The following PGF variants were observed in gnomAD, a reference collection of about 807,000 sequenced individuals.
The protein encoded by PGF is placenta growth factor.
PGF carries 11 observed loss-of-function variants against 25.3 expected under a neutral mutation model. The observed-to-expected ratio is 0.43, with a 90% CI of 0.27 to 0.72. The LOEUF (loss-of-function observed/expected upper bound fraction) is 0.72. Among genes scored for constraint, PGF ranks in the 30% least tolerant of loss-of-function variants. The pLI, the probability that PGF is intolerant of heterozygous loss-of-function variation, is 0.18. For missense variants in PGF, 230 were observed against 234.9 expected (o/e 0.98, Z 0.14); for synonymous variants, 105 against 97.9 (o/e 1.07, Z -0.43).
At chr14:74,946,964 C>T in intron 4 of PGF, 1 of 688,240 alleles carries the variant, frequency 1.5e-6, no homozygotes, top group Non-Finnish European at 2.7e-6. Context: ...GGCCCAGAAG[C>T]AAGAAGAAAG....
At chr14:74,948,764 G>A (rs957260586) in intron 3 of PGF, among the ~76,000 whole-genome samples, 181 bp from the exon 4 acceptor site, 1 of 152,206 alleles carries the variant, frequency 6.6e-6, no homozygotes, top group Non-Finnish European at 1.5e-5. Flanking sequence ...ATCTGAGGGA[G>A]GCCCCTGTCC....
intron 4 of PGF, chr14:74,946,732 C>T (rs1311947184): frequency 1.6e-5 from 11 of 699,224 alleles, no homozygotes; most frequent in Non-Finnish European, 2.9e-5. Context: ...TTCTTTCTCA[C>T]TTTCTTTGCT....
chr14:74,943,589 G>T (rs1888651392), intron 6 of PGF, among the ~76,000 whole-genome samples: 2 of 152,136 alleles, frequency 1.3e-5, no homozygotes, highest in Non-Finnish European at 2.9e-5. Context: ...TGTGAACATG[G>T]TTTCTCAACC....
chr14:74,952,954 G>A (rs796968931), intron 2 of PGF, among the ~76,000 whole-genome samples: 7 of 152,346 alleles, frequency 4.6e-5, no homozygotes, highest in African/African-American at 1.7e-4. Flanking sequence ...GCATAGTGTG[G>A]AGGTAGGGGA....
chr14:74,944,028 C>A (rs187381572), intron 6 of PGF, among the ~76,000 whole-genome samples: 1 of 148,674 alleles, frequency 6.7e-6, no homozygotes, highest in African/African-American at 2.5e-5. Context: ...AATACAAGTT[C>A]CAGGAAAAAA....
At chr14:74,948,725 G>A in intron 3 of PGF, 142 bp from the exon 4 acceptor site, 1 of 521,926 alleles carries the variant, frequency 1.9e-6, no homozygotes. Context: ...TCTGAACGTG[G>A]GGCAAACAGC....
intron 6 of PGF, 111 bp downstream of exon 6, chr14:74,946,102 C>T: frequency 1.1e-6 from 1 of 908,764 alleles, no homozygotes; most frequent in Non-Finnish European, 1.8e-6. Context: ...GTTCTGCCCC[C>T]AAGACTGGCC....
chr14:74,943,725 C>T (rs541232802), intron 6 of PGF, among the ~76,000 whole-genome samples: 2 of 152,324 alleles, frequency 1.3e-5, no homozygotes, highest in South Asian at 2.1e-4. Flanking sequence ...ACATCCATCT[C>T]ATTGAGATGC....
intron 1 of PGF, among the ~76,000 whole-genome samples, chr14:74,954,852 C>G (rs1402142654): frequency 6.6e-6 from 1 of 152,130 alleles, no homozygotes; most frequent in Non-Finnish European, 1.5e-5. Flanking sequence ...ACCACAAGGC[C>G]AGGGACCCGC....
At position 74,942,551 on chromosome 14, in the gene PGF, TCCTTCCCTG is replaced by T; in HGVS notation, c.*146_*154del. 1.4e-6 allele frequency: 1 copy of T among 738,634 alleles called. No homozygotes were observed. Among genetic ancestry groups the T allele is most frequent in the Middle Eastern group, 2.3e-4 (1 of 4,350 alleles). The allele number at this position is 738,634 out of a possible 1,614,324, so 45.8% of individuals were successfully genotyped here. On this transcript the variant is annotated 3_prime_UTR_variant, in exon 7 of 7. Transcript: ENST00000555567. ...AGGCACTGAATTCCTGAGGGTCCTG[TCCTTCCCTG>T]CCCCTCGTCTTGAAGGGAGCGAGGC...
At position 74,942,691 on chromosome 14, in the gene PGF, C is replaced by T. The variant is rs781516178; in HGVS notation, c.*15G>A. ...CACGAGCCGGGTGCGGGGTCTCTCT[C>T]CTCCAAGGGGTGGGTTACCTCCGGG... On this transcript the variant is annotated 3_prime_UTR_variant, in exon 7 of 7. Transcript: ENST00000555567. The T allele has an allele frequency of 3.0e-5, 48 of 1,612,372 alleles. No homozygotes were observed. In the East Asian group the frequency reaches 1.1e-3, roughly 36 times the overall value.
In PGF at chr14:74,953,772, C is replaced by T; in HGVS notation, c.118+132G>A. The stretch of plus-strand genomic sequence containing the variant: ...TCTTAGGCCCTGCCAAAGTCATCAC[C>T]CAGCATGTCTAGCTTGTAGGCTCTC... On this transcript the variant is annotated intron_variant, in intron 2 of 6. Transcript: ENST00000555567. This position sits in a 1 kb window ranked among gnomAD's most constrained non-coding sequence, Gnocchi z 5.4. 1.1e-6 allele frequency: 1 copy of T among 911,540 alleles called. No individual in the cohort carries two copies. The highest frequency in any genetic ancestry group is 1.8e-6 in the Non-Finnish European group (1 of 549,948). The allele number at this position is 911,540 out of a possible 1,614,324, so 56.5% of individuals were successfully genotyped here.
Position 74,942,340 on chromosome 14 carries a change from T to A in PGF, c.*366A>T, listed in dbSNP as rs12411. 0.73 allele frequency: 167,026 copies of A among 230,266 alleles called. 63,137 individuals carry two copies. Among genetic ancestry groups the A allele is most frequent in the East Asian group, 0.85 (6,051 of 7,156 alleles). 14.3% of individuals were successfully genotyped at this position (230,266 alleles called of 1,614,324 possible). On this transcript the variant is annotated 3_prime_UTR_variant, in exon 7 of 7. Transcript: ENST00000555567. The stretch of plus-strand genomic sequence containing the variant: ...GAGCTCCGAAAGCAAGGGCTGCTTG[T>A]CTGTGCAGAGCCTGAGGCCCAAGAA...
At position 74,955,309 on chromosome 14, in the gene PGF, C is replaced by G; in HGVS notation, c.-67G>C. The G allele has an allele frequency of 9.7e-7, 1 of 1,035,024 alleles. No individual in the cohort carries two copies. The highest frequency in any genetic ancestry group is 3.2e-5 in the East Asian group (1 of 31,108). The allele number at this position is 1,035,024 out of a possible 1,614,324, so 64.1% of individuals were successfully genotyped here. On this transcript the variant is annotated 5_prime_UTR_variant, in exon 1 of 7. Transcript: ENST00000555567. This position sits in a 1 kb window ranked among gnomAD's most constrained non-coding sequence, Gnocchi z 4.1. ...ACCATGCTCATCCCCCGGGGAGCCC[C>G]TGGCACAGGAGGAGAAGAGCTGAGT...
chr14:74,949,283 G>T, intron 3 of PGF, 74 bp downstream of exon 3: 1 of 1,244,026 alleles, frequency 8.0e-7, no homozygotes, highest in Non-Finnish European at 1.1e-6. Flanking sequence ...TGGGACCTGG[G>T]CCTATCTTCT....
At chr14:74,946,862 G>T in intron 4 of PGF, 1 of 761,176 alleles carries the variant, frequency 1.3e-6, no homozygotes, top group East Asian at 2.4e-5. Context: ...GAACAACATG[G>T]GGAGTGAGCG....
In PGF at chr14:74,948,626, A is replaced by T. The variant is rs551910183; in HGVS notation, c.316-43T>A. 2.2e-6 allele frequency: 3 copies of T among 1,341,536 alleles called. No individual in the cohort carries two copies. In the Admixed American group the frequency reaches 5.4e-5, roughly 24 times the overall value. The allele number at this position is 1,341,536 out of a possible 1,614,324, so 83.1% of individuals were successfully genotyped here. A position where few individuals can be genotyped will look rare whatever the true frequency, so the allele number is the denominator to read the frequency against. ...TGATGCCTGGATTGGGGAGTGGCCC[A>T]CGAGTTTCCGGCACTCTTCTCTCTC... On this transcript the variant is annotated intron_variant, in intron 3 of 6. Coordinates refer to ENST00000555567, the MANE Select transcript of PGF (RefSeq NM_002632.6).
In PGF at chr14:74,949,441, A is replaced by G. The variant is rs1351542709; in HGVS notation, c.231T>C (p.Cys77=). The change falls in exon 3 of 7, where the codon TGT becomes TGC. Residue 77 remains cysteine, a synonymous_variant. Coordinates refer to ENST00000555567, the MANE Select transcript of PGF (RefSeq NM_002632.6). ...AGCCGGTGCAGCGCAGCAGGGAGAC[A>G]CAGGATGGGCTGAACATGTGCTCCA... ...SEVEHMFSPS[C]VSLLRCTGCC... 6.2e-7 allele frequency: 1 copy of G among 1,612,640 alleles called. No individual in the cohort carries two copies. Among genetic ancestry groups the G allele is most frequent in the East Asian group, 2.2e-5 (1 of 44,762 alleles).
chr14:74,943,218 G>T (rs1319059278), intron 6 of PGF, among the ~76,000 whole-genome samples: 1 of 152,186 alleles, frequency 6.6e-6, no homozygotes, highest in African/African-American at 2.4e-5. Flanking sequence ...TCAGCCTCCA[G>T]GTCTACATTG....
Sources: gnomAD v4.1 joint callset for allele counts (sites outside exome capture counted in the v4.1 genomes callset) on GRCh38, gnomAD v4.1.1 for gene constraint, Gnocchi (gnomAD v3.1) non-coding constraint, MANE v1.5 for transcripts, NCBI Gene and HGNC (gene_info 2026-07-23, HGNC 2026-07-21) for gene names.